SCN1A: variants seen among roughly 807,000 people sequenced by gnomAD.
SCN1A encodes sodium voltage-gated channel alpha subunit 1.
SCN1A carries 13 observed loss-of-function variants against 193.7 expected under a neutral mutation model. That is an observed-to-expected ratio of 0.07 (90% CI 0.04 to 0.11). SCN1A has a LOEUF of 0.11. SCN1A is among the 10% of genes least tolerant of loss of function. The probability of loss-of-function intolerance (pLI) is 1.00; values close to 1 mark genes in which losing one functional copy is unlikely to be tolerated. For synonymous variants in SCN1A, 781 were observed against 843.6 expected (o/e 0.93, Z 1.29); for missense variants, 1,432 against 2,451.1 (o/e 0.58, Z 8.78).
intron 2 of SCN1A, among the ~76,000 whole-genome samples, chr2:166,126,045 A>G (rs2106270857): frequency 6.6e-6 from 1 of 152,338 alleles, no homozygotes; most frequent in South Asian, 2.1e-4. Context: ...AATGAGTTAC[A>G]GTGAGTTTAA....
At position 165,992,500 on chromosome 2, in the gene SCN1A, A is replaced by C; in HGVS notation, c.4853-78T>G. 1 of 1,552,698 alleles carries C rather than the reference A, an allele frequency of 6.4e-7. No homozygotes were observed. Among genetic ancestry groups the C allele is most frequent in the Non-Finnish European group, 8.9e-7 (1 of 1,127,772 alleles). The stretch of plus-strand genomic sequence containing the variant: ...AAACATATGTTTCTTCTAAAGCTCC[A>C]AGGTAAGGTTCAGAGTCCTGAACCC... On this transcript the variant is annotated intron_variant, in intron 28 of 28. Coordinates refer to ENST00000674923, the MANE Select transcript of SCN1A (RefSeq NM_001165963.4). The surrounding 1 kb of genome is among the most constrained non-coding windows in gnomAD (Gnocchi z 6.5).
chr2:166,096,867 G>C lies in SCN1A; in HGVS notation c.-141-19066C>G, dbSNP rs115610943. On this transcript the variant is annotated intron_variant, in intron 2 of 28. Transcript: ENST00000674923. ...ACTGAGTTAAGATGAAAGTCCTAAA[G>C]TTCTTCAATCACTTTTCTGAAATCT... Among the ~76,000 whole-genome samples the C allele has an allele frequency of 6.5e-3, 995 of 152,180 alleles. 9 individuals carry two copies. The highest frequency in any genetic ancestry group is 0.023 in the African/African-American group (938 of 41,504).
chr2:166,067,966 C>T (rs1302507799), intron 4 of SCN1A, among the ~76,000 whole-genome samples: 1 of 152,094 alleles, frequency 6.6e-6, no homozygotes, highest in Non-Finnish European at 1.5e-5. Flanking sequence ...TTGAAGGAAA[C>T]CTGGGCCTTT....
intron 2 of SCN1A, among the ~76,000 whole-genome samples, chr2:166,111,061 T>C (rs1285984235): frequency 6.6e-6 from 1 of 152,058 alleles, no homozygotes; most frequent in Non-Finnish European, 1.5e-5. Flanking sequence ...TCTTTATTAG[T>C]AGGGTGAGAA....
chr2:166,034,775 T>C (rs1332779497), intron 19 of SCN1A, among the ~76,000 whole-genome samples: 2 of 152,168 alleles, frequency 1.3e-5, no homozygotes, highest in Admixed American at 6.5e-5. Flanking sequence ...GGTTGGACTT[T>C]ATTCTGATAG....
chr2:166,096,361 C>A (rs1687379866), intron 2 of SCN1A, among the ~76,000 whole-genome samples: 2 of 152,176 alleles, frequency 1.3e-5, no homozygotes, highest in African/African-American at 2.4e-5. Context: ...CGGCTCACTG[C>A]AAGCTCCGCC....
intron 1 of SCN1A, among the ~76,000 whole-genome samples, chr2:166,144,885 T>C (rs1170246816): frequency 1.3e-5 from 2 of 149,920 alleles, no homozygotes; most frequent in Non-Finnish European, 3.0e-5. Flanking sequence ...AGAGTCTCAC[T>C]CTGTCGCCCA....
intron 28 of SCN1A, chr2:165,993,218 AG>A (rs1689526914): frequency 2.1e-5 from 2 of 96,114 alleles, no homozygotes; most frequent in Non-Finnish European, 4.9e-5. Context: ...TGTGAGAGAG[AG>A]AGAGAGAGAA....
At position 166,066,252 on chromosome 2, in the gene SCN1A, C is replaced by T. The variant is rs185096889; in HGVS notation, c.264+7106G>A. On this transcript the variant is annotated intron_variant, in intron 4 of 28. Coordinates refer to ENST00000674923, the MANE Select transcript of SCN1A (RefSeq NM_001165963.4). Reference sequence around the variant, plus strand: ...TCTGGAGCTGAAACATTTTTCAGCCCTATATCATCAGAATGTACATACCAT... The same window carrying T: ...TCTGGAGCTGAAACATTTTTCAGCCTTATATCATCAGAATGTACATACCAT... 2.3e-4 allele frequency among the ~76,000 whole-genome samples: 35 copies of T among 152,226 alleles called. No homozygotes were observed. In the East Asian group the frequency reaches 6.0e-3, roughly 26 times the overall value.
chr2:165,998,147 C>G lies in SCN1A; in HGVS notation c.4367G>C (p.Ser1456Thr). 6.2e-7 allele frequency: 1 copy of G among 1,605,368 alleles called. No homozygotes were observed. The highest frequency in any genetic ancestry group is 8.5e-7 in the Non-Finnish European group (1 of 1,174,196). Residue 1456 changes from serine to threonine, a missense_variant, in exon 26 of 29, where the codon AGT becomes ACT. Physicochemically the swap from Ser to Thr is moderately conservative, Grantham distance 58. Transcript: ENST00000674923. ...NVELQPKYEE[S>T]LYMYLYFVIF... The stretch of plus-strand genomic sequence containing the variant: ...AACAAAGTAAAGATACATGTACAGA[C>G]TTTCTTCATACTTAGGCTGGAGTTC...
At chr2:166,011,988 C>T (rs1692525021) in intron 22 of SCN1A, 121 bp downstream of exon 22, 7 of 830,976 alleles carry the variant, frequency 8.4e-6, no homozygotes, top group South Asian at 2.9e-5. Context: ...TGCATATATG[C>T]GTTTAGTGGT....
chr2:166,136,793 C>T (rs192708278), intron 1 of SCN1A, among the ~76,000 whole-genome samples: 5 of 152,244 alleles, frequency 3.3e-5, no homozygotes, highest in East Asian at 3.9e-4. Flanking sequence ...CACCAGATTC[C>T]GGTGAGAGCT....
At chr2:166,073,832 G>A (rs1269673558) in intron 3 of SCN1A, 162 bp from the exon 4 acceptor site, 4 of 588,910 alleles carry the variant, frequency 6.8e-6, no homozygotes, top group Non-Finnish European at 1.2e-5. Flanking sequence ...TGGTTTCTGT[G>A]TTGAGTTTAG....
intron 2 of SCN1A, among the ~76,000 whole-genome samples, chr2:166,109,017 TTTA>T (rs1206220411): frequency 6.6e-6 from 1 of 152,190 alleles, no homozygotes; most frequent in African/African-American, 2.4e-5. Flanking sequence ...TTGACAATTT[TTTA>T]TTCTTTTCTC....
In SCN1A at chr2:165,990,107, T is replaced by C. The variant is rs1688935609; in HGVS notation, c.*1138A>G. The C allele has an allele frequency of 6.6e-6, 1 of 152,628 alleles. No individual in the cohort carries two copies. Among genetic ancestry groups the C allele is most frequent in the Non-Finnish European group, 1.5e-5 (1 of 68,036 alleles). The allele number at this position is 152,628 out of a possible 1,614,324, so 9.5% of individuals were successfully genotyped here. A position where few individuals can be genotyped will look rare whatever the true frequency, so the allele number is the denominator to read the frequency against. On this transcript the variant is annotated 3_prime_UTR_variant, in exon 29 of 29. Coordinates refer to ENST00000674923, the MANE Select transcript of SCN1A (RefSeq NM_001165963.4). ...GCATGGTAATATAAACATGCATTGA[T>C]AGCATCCAAACTATCTATAAATGGT...
intron 2 of SCN1A, among the ~76,000 whole-genome samples, chr2:166,123,924 T>C (rs1372096901): frequency 6.6e-6 from 1 of 152,200 alleles, no homozygotes; most frequent in Non-Finnish European, 1.5e-5. Flanking sequence ...TCTTCATACC[T>C]GTGAGGCACT....
At chr2:166,135,277 G>T (rs1478008691) in intron 1 of SCN1A, among the ~76,000 whole-genome samples, 1 of 151,996 alleles carries the variant, frequency 6.6e-6, no homozygotes, top group Non-Finnish European at 1.5e-5. Context: ...TTAATAAAGA[G>T]GACTTTCTTT....
At chr2:166,042,463 G>T in intron 14 of SCN1A, 39 bp from the exon 15 acceptor site, 1 of 1,602,322 alleles carries the variant, frequency 6.2e-7, no homozygotes, top group South Asian at 1.1e-5. Flanking sequence ...CAATTAATTT[G>T]AGCAATATGA....
At chr2:166,012,075 C>T (rs1475625987) in intron 22 of SCN1A, 34 bp downstream of exon 22, 1 of 1,598,400 alleles carries the variant, frequency 6.3e-7, no homozygotes, top group Admixed American at 1.7e-5. Flanking sequence ...GACAAGCTAC[C>T]TTGAACAGAG....
Sources: gnomAD v4.1 joint callset for allele counts (sites outside exome capture counted in the v4.1 genomes callset) on GRCh38, gnomAD v4.1.1 for gene constraint, Gnocchi (gnomAD v3.1) non-coding constraint, MANE v1.5 for transcripts, NCBI Gene and HGNC (gene_info 2026-07-23, HGNC 2026-07-21) for gene names.